Variants in ARG2 observed in about 807,000 individuals in gnomAD.
ARG2 encodes arginase-2, mitochondrial.
Under a neutral mutation model 39.4 loss-of-function variants are expected in ARG2, and 21 were observed. That is an observed-to-expected ratio of 0.53 (90% CI 0.38 to 0.77). ARG2 has a LOEUF of 0.77. ARG2 is among the 30% of genes least tolerant of loss of function. The probability of loss-of-function intolerance (pLI) is 0.00; values close to 1 mark genes in which losing one functional copy is unlikely to be tolerated. For missense variants in ARG2, 378 were observed against 426.2 expected (o/e 0.89, Z 1.00); for synonymous variants, 150 against 156.7 (o/e 0.96, Z 0.32).
chr14:67,650,740 T>C lies in ARG2; in HGVS notation c.885T>C (p.Val295=), dbSNP rs147982459. Residue 295 remains valine (V), a synonymous_variant, in exon 8 of 8, where the codon GTT becomes GTC. Transcript: ENST00000261783. The part of the protein sequence containing the change: ...NTGLLSALDL[V]EVNPQLATSE... Reference sequence around the variant, plus strand: ...GGTTGCTATCAGCACTGGATCTTGTTGAAGTCAATCCTCAGTTGGCCACCT... The same window carrying C: ...GGTTGCTATCAGCACTGGATCTTGTCGAAGTCAATCCTCAGTTGGCCACCT... 6.2e-7 allele frequency: 1 copy of C among 1,613,938 alleles called. No individual in the cohort carries two copies. Among genetic ancestry groups the C allele is most frequent in the Non-Finnish European group, 8.5e-7 (1 of 1,180,022 alleles).
At chr14:67,646,414 A>G in intron 4 of ARG2, 1 of 506,592 alleles carries the variant, frequency 2.0e-6, no homozygotes, top group South Asian at 3.0e-5. Context: ...AGACAACCTT[A>G]GAGATTTTAT....
At chr14:67,638,410 C>T (rs2036995388) in intron 2 of ARG2, among the ~76,000 whole-genome samples, 1 of 151,936 alleles carries the variant, frequency 6.6e-6, no homozygotes, top group African/African-American at 2.4e-5. Flanking sequence ...TGAAAGGATA[C>T]AGTAGTAAAA....
rs992160780 is a variant in ARG2, at chr14:67,629,438, C to T, written c.184+8472C>T. Reference sequence around the variant, plus strand: ...GTGAAATAAGCCAGTGACAAAAGGACAAATACAGCATGATTCCATTTATAT... The same window carrying T: ...GTGAAATAAGCCAGTGACAAAAGGATAAATACAGCATGATTCCATTTATAT... On this transcript the variant is annotated intron_variant, in intron 2 of 7. Coordinates refer to ENST00000261783, the MANE Select transcript of ARG2 (RefSeq NM_001172.4). Among the ~76,000 whole-genome samples the T allele has an allele frequency of 2.6e-5, 4 of 152,112 alleles. No homozygotes were observed. The East Asian group carries it at 5.8e-4, about 22-fold the overall frequency.
chr14:67,647,798 T>A lies in ARG2; in HGVS notation c.723-249T>A. 4 of 473,622 alleles carry A rather than the reference T, an allele frequency of 8.4e-6. No individual in the cohort carries two copies. The South Asian group carries it at 1.2e-4, about 14-fold the overall frequency. The allele number at this position is 473,622 out of a possible 1,614,324, so 29.3% of individuals were successfully genotyped here. Reference sequence around the variant, plus strand: ...ACCCAGTGTAAGGCAGAAATATACATTGGAGTTAGTCTGTCTGAGGTATGC... The same window carrying A: ...ACCCAGTGTAAGGCAGAAATATACAATGGAGTTAGTCTGTCTGAGGTATGC... On this transcript the variant is annotated intron_variant, in intron 6 of 7. Transcript: ENST00000261783.
chr14:67,649,332 G>A (rs2037142213), intron 7 of ARG2: 1 of 152,070 alleles, frequency 6.6e-6, no homozygotes, highest in Non-Finnish European at 1.5e-5. Context: ...GACCAGCGTG[G>A]GCAACATAGT....
chr14:67,631,200 C>T (rs1007451179), intron 2 of ARG2, among the ~76,000 whole-genome samples: 1 of 152,194 alleles, frequency 6.6e-6, no homozygotes, highest in African/African-American at 2.4e-5. Flanking sequence ...GAGCCAACTT[C>T]CTGGCTTTCT....
chr14:67,646,443 A>T, intron 4 of ARG2: 1 of 560,198 alleles, frequency 1.8e-6, no homozygotes, highest in Non-Finnish European at 3.2e-6. Context: ...AGAAAGCAAT[A>T]CTGTGTTCCT....
rs1292735882 is a variant in ARG2 at position 67,642,224 on chromosome 14, C to G, written c.223C>G (p.Pro75Ala). The change falls in exon 3 of 8, where the codon CCA becomes GCA. Residue 75 changes from proline (P) to alanine (A), a missense_variant. By Grantham distance (27) the Pro-to-Ala change is conservative. Coordinates refer to ENST00000261783, the MANE Select transcript of ARG2 (RefSeq NM_001172.4). Reference sequence around the variant, plus strand: ...AGACTTTGGAGATTTGAGTTTTACTCCAGTCCCCAAAGATGATCTCTACAA... The same window carrying G: ...AGACTTTGGAGATTTGAGTTTTACTGCAGTCCCCAAAGATGATCTCTACAA... ...LKDFGDLSFT[P>A]VPKDDLYNNL... 1.2e-6 allele frequency: 2 copies of G among 1,614,104 alleles called. No homozygotes were observed. Among genetic ancestry groups the G allele is most frequent in the Middle Eastern group, 1.6e-4 (1 of 6,062 alleles).
At chr14:67,638,057 C>T (rs1052034474) in intron 2 of ARG2, among the ~76,000 whole-genome samples, 1 of 152,184 alleles carries the variant, frequency 6.6e-6, no homozygotes, top group Non-Finnish European at 1.5e-5. Context: ...AGCCACAAGC[C>T]AGGTCTCTGA....
At chr14:67,648,254 G>T in intron 7 of ARG2, 71 bp downstream of exon 7, 5 of 1,502,982 alleles carry the variant, frequency 3.3e-6, no homozygotes, top group Non-Finnish European at 3.6e-6. Context: ...GCCTGCAAAG[G>T]ATCTTTTCTG....
chr14:67,650,827 T>G lies in ARG2; in HGVS notation c.972T>G (p.Gly324=), dbSNP rs1451095174. Reference sequence around the variant, plus strand: ...TAGATGTGATTGCTTCAAGCTTTGGTCAGACAAGAGAAGGAGGGCATATTG... The same window carrying G: ...TAGATGTGATTGCTTCAAGCTTTGGGCAGACAAGAGAAGGAGGGCATATTG... ...LAVDVIASSF[G]QTREGGHIVY... The change falls in exon 8 of 8, where the codon GGT becomes GGG. Residue 324 remains glycine, a synonymous_variant. Coordinates refer to ENST00000261783, the MANE Select transcript of ARG2 (RefSeq NM_001172.4). 6.2e-7 allele frequency: 1 copy of G among 1,614,052 alleles called. No homozygotes were observed. Among genetic ancestry groups the G allele is most frequent in the Admixed American group, 1.7e-5 (1 of 59,988 alleles).
At chr14:67,646,531 T>C in intron 4 of ARG2, 113 bp from the exon 5 acceptor site, 1 of 810,064 alleles carries the variant, frequency 1.2e-6, no homozygotes, top group South Asian at 1.6e-5. Context: ...TGCTCTAAAC[T>C]TACCCTGTGG....
intron 2 of ARG2, among the ~76,000 whole-genome samples, chr14:67,625,901 C>T (rs2036861517): frequency 6.6e-6 from 1 of 152,118 alleles, no homozygotes; most frequent in African/African-American, 2.4e-5. Flanking sequence ...TTAGCCACTT[C>T]TCCAAAGAAG....
At chr14:67,643,349 T>C (rs1246736207) in intron 3 of ARG2, among the ~76,000 whole-genome samples, 1 of 152,228 alleles carries the variant, frequency 6.6e-6, no homozygotes, top group Non-Finnish European at 1.5e-5. Flanking sequence ...TGGACTAAAA[T>C]AGATTTCACA....
At chr14:67,625,365 T>G (rs540726540) in intron 2 of ARG2, among the ~76,000 whole-genome samples, 1 of 152,116 alleles carries the variant, frequency 6.6e-6, no homozygotes, top group Non-Finnish European at 1.5e-5. Context: ...TAAATACATC[T>G]ATGTTTCAAA....
At chr14:67,637,410 C>CAAAAAAAAAAA (rs34746542) in intron 2 of ARG2, among the ~76,000 whole-genome samples, 1 of 103,620 alleles carries the variant, frequency 9.7e-6, no homozygotes, top group Non-Finnish European at 1.8e-5. Flanking sequence ...GACTCTGTCT[C>CAAAAAAAAAAA]AAAAAAAAAA....
At chr14:67,621,580 G>A (rs2036811198) in intron 2 of ARG2, among the ~76,000 whole-genome samples, 1 of 151,818 alleles carries the variant, frequency 6.6e-6, no homozygotes, top group East Asian at 2.0e-4. Context: ...CAAGTAGCTG[G>A]AATTACAGGT....
chr14:67,635,622 G>A (rs928996565), intron 2 of ARG2, among the ~76,000 whole-genome samples: 1 of 152,200 alleles, frequency 6.6e-6, no homozygotes, highest in Non-Finnish European at 1.5e-5. Flanking sequence ...GGGAGGCCAA[G>A]GTGGGTGGAT....
At position 67,650,906 on chromosome 14, in the gene ARG2, C is replaced by T. The variant is rs112748595; in HGVS notation, c.1051C>T (p.Arg351Cys). Reference protein sequence around the residue: ...SSPDESENQARVRI With the variant: ...SSPDESENQACVRI ...ACCAGATGAATCAGAAAATCAAGCA[C>T]GTGTGAGAATTTAGGAGACACTGTG... Residue 351 changes from arginine (R) to cysteine (C), a missense_variant, in exon 8 of 8, where the codon CGT becomes TGT. Transcript: ENST00000261783. The T allele has an allele frequency of 9.0e-5, 146 of 1,614,052 alleles. No homozygotes were observed. In the African/African-American group the frequency reaches 1.4e-3, roughly 15 times the overall value.
Sources: gnomAD v4.1 joint callset for allele counts (sites outside exome capture counted in the v4.1 genomes callset) on GRCh38, gnomAD v4.1.1 for gene constraint, MANE v1.5 for transcripts, NCBI Gene and HGNC (gene_info 2026-07-23, HGNC 2026-07-21) for gene names.